Variants in BCR observed in about 807,000 individuals in gnomAD.
The protein encoded by BCR is breakpoint cluster region protein.
In BCR, 58 loss-of-function variants were observed where a neutral mutation model predicts 138.6. The observed-to-expected ratio is 0.42, with a 90% CI of 0.34 to 0.52. The LOEUF is 0.52. BCR is among the 20% of genes least tolerant of loss of function. The pLI is 0.06. For synonymous variants in BCR, 786 were observed against 730.1 expected, an observed-to-expected ratio of 1.08 and a Z score of -1.23; for missense variants, 1,599 against 1,727.2, an observed-to-expected ratio of 0.93 and a Z score of 1.32.
At chr22:23,232,025 G>T (rs1431935863) in intron 1 of BCR, among the ~76,000 whole-genome samples, 1 of 152,216 alleles carries the variant, frequency 6.6e-6, no homozygotes, top group East Asian at 1.9e-4. Context: ...CAGCCTCCCA[G>T]CCCAGGGGCT....
At chr22:23,251,688 C>G (rs922781736) in intron 1 of BCR, among the ~76,000 whole-genome samples, 5 of 152,250 alleles carry the variant, frequency 3.3e-5, no homozygotes, top group Non-Finnish European at 7.3e-5. Flanking sequence ...CAGTTGTAAA[C>G]TCCTGAATGA....
chr22:23,273,690 C>T lies in BCR; in HGVS notation c.2031C>T (p.Ala677=). 3.1e-6 allele frequency: 5 copies of T among 1,614,136 alleles called. No homozygotes were observed. The highest frequency in any genetic ancestry group is 4.2e-6 in the Non-Finnish European group (5 of 1,180,038). The change falls in exon 8 of 23, where the codon GCC becomes GCT. Residue 677 remains alanine, a synonymous_variant. Transcript: ENST00000305877. ...CTGACCACCCCTTGCTGCAGGACGC[C>T]CTCCGCATCTCACAGAACTTCCTGT... ...SHPDHPLLQD[A]LRISQNFLSS... is the part of the protein sequence containing the mutation.
chr22:23,271,759 G>A (rs2073511684), intron 6 of BCR, among the ~76,000 whole-genome samples, 167 bp downstream of exon 6: 1 of 152,166 alleles, frequency 6.6e-6, no homozygotes, highest in South Asian at 2.1e-4. Context: ...AGCTCAGGGA[G>A]GGCAGGGAAG....
At position 23,206,884 on chromosome 22, in the gene BCR, A is replaced by C. The variant is rs975947459; in HGVS notation, c.1279+24645A>C. On this transcript the variant is annotated intron_variant, in intron 1 of 22. Coordinates refer to ENST00000305877, the MANE Select transcript of BCR (RefSeq NM_004327.4). ...CAGTCATACAACCATCCATTTAACT[A>C]TTCTTTATTCATCATCCATCCAACT... 4.4e-5 allele frequency among the ~76,000 whole-genome samples: 6 copies of C among 136,490 alleles called. No individual in the cohort carries two copies. The East Asian group carries it at 7.7e-4, about 18-fold the overall frequency. 89.5% of individuals were successfully genotyped at this position (136,490 alleles called of 152,430 possible).
chr22:23,317,003 C>A lies in BCR; in HGVS notation c.*1481C>A, dbSNP rs2074079576. ...TGCAGGAGGAGAGGATGCAGCTGCC[C>A]AGAGGGAAGCAGGATCACATTTAAG... On this transcript the variant is annotated 3_prime_UTR_variant, in exon 23 of 23. Transcript: ENST00000305877. The A allele has an allele frequency of 6.5e-6, 1 of 153,186 alleles. No homozygotes were observed. The allele number at this position is 153,186 out of a possible 1,614,324, so 9.5% of individuals were successfully genotyped here.
In BCR at chr22:23,181,933, G is replaced by C; in HGVS notation, c.973G>C (p.Gly325Arg). ...CTCCCCCCGGAGTTTTGAGGATTGC[G>C]GAGGCGGCTATACCCCGGACTGCAG... ...SYSPRSFEDC[G>R]GGYTPDCSSN... is the part of the protein sequence containing the mutation. The change falls in exon 1 of 23, where the codon GGA becomes CGA. Residue 325 changes from glycine to arginine, a missense_variant. Gly to Arg is a moderately radical substitution (Grantham distance 125). This residue lies in a region of BCR where 806 missense variants were observed against 635.0 expected (regional missense o/e 1.27). Transcript: ENST00000305877. 1 of 1,613,026 alleles carries C rather than the reference G, an allele frequency of 6.2e-7. No individual in the cohort carries two copies. The highest frequency in any genetic ancestry group is 8.5e-7 in the Non-Finnish European group (1 of 1,179,918).
chr22:23,259,839 TTAGCA>T (rs2073337201), intron 2 of BCR, among the ~76,000 whole-genome samples: 1 of 152,118 alleles, frequency 6.6e-6, no homozygotes, highest in Non-Finnish European at 1.5e-5. Flanking sequence ...AATGTTTAAG[TTAGCA>T]GAGCGAGGTG....
intron 8 of BCR, 25 bp from the exon 9 acceptor site, chr22:23,283,923 CCCCCACCCATCACCCCAGGCTGGCCCTGA>C: frequency 6.6e-7 from 1 of 1,514,646 alleles, no homozygotes; most frequent in Non-Finnish European, 8.9e-7. Flanking sequence ...GGCCGAACAC[CCCCCACCCATCACCCCAGGCTGGCCCTGA>C]CCCCAGCCTT....
chr22:23,280,418 C>T lies in BCR; in HGVS notation c.2116-3559C>T, dbSNP rs138899149. ...GTGTGTAGAAATCAGGGTTATGGTGCCTGCCTTGTAGAGTCCTGGTGAGGA... is the reference window on the plus strand; with the variant it reads ...GTGTGTAGAAATCAGGGTTATGGTGTCTGCCTTGTAGAGTCCTGGTGAGGA... On this transcript the variant is annotated intron_variant, in intron 8 of 22. Coordinates refer to ENST00000305877, the MANE Select transcript of BCR (RefSeq NM_004327.4). 8.7e-3 allele frequency among the ~76,000 whole-genome samples: 1,328 copies of T among 152,268 alleles called. 8 individuals carry two copies. The highest frequency in any genetic ancestry group is 0.014 in the Non-Finnish European group (954 of 68,022).
rs777174997 is a variant in BCR at position 23,181,299 on chromosome 22, C to T, written c.339C>T (p.Pro113=). The change falls in exon 1 of 23, where the codon CCC becomes CCT. Residue 113 remains proline (P), a synonymous_variant. Transcript: ENST00000305877. The stretch of plus-strand genomic sequence containing the variant: ...CCGACCCGCCGCCCGCCGAGGAGCC[C>T]GAGGCCCGGCCCGACGGCGAGGGTT... ...DGADPPPAEE[P]EARPDGEGSP... 7 of 1,342,094 alleles carry T rather than the reference C, an allele frequency of 5.2e-6. No individual in the cohort carries two copies. In the South Asian group the frequency reaches 9.7e-5, roughly 19 times the overall value. 83.1% of individuals were successfully genotyped at this position (1,342,094 alleles called of 1,614,324 possible).
At chr22:23,288,007 G>C in intron 11 of BCR, 90 bp from the exon 12 acceptor site, 1 of 1,253,698 alleles carries the variant, frequency 8.0e-7, no homozygotes, top group Non-Finnish European at 1.2e-6. Flanking sequence ...CTGGAGATAC[G>C]AGTTGTGTGC....
intron 8 of BCR, among the ~76,000 whole-genome samples, chr22:23,281,583 G>A (rs540039581): frequency 2.6e-5 from 4 of 152,238 alleles, no homozygotes; most frequent in East Asian, 3.9e-4. Flanking sequence ...GGCAGGGGCC[G>A]AGTGACGGGG....
chr22:23,315,447 G>A lies in BCR; in HGVS notation c.3741G>A (p.Leu1247=). 1 of 1,613,644 alleles carries A rather than the reference G, an allele frequency of 6.2e-7. No individual in the cohort carries two copies. The highest frequency in any genetic ancestry group is 8.5e-7 in the Non-Finnish European group (1 of 1,180,000). The change falls in exon 23 of 23, where the codon CTG becomes CTA. Residue 1247 remains leucine (L), a synonymous_variant. Transcript: ENST00000305877. ...TGCCCGGGCAGGTCCAGGTGCTGCTGTACTTCCTGCAGCTGGAGGCCATCC... is the reference window on the plus strand; with the variant it reads ...TGCCCGGGCAGGTCCAGGTGCTGCTATACTTCCTGCAGCTGGAGGCCATCC... The part of the protein sequence containing the change: ...LEVMSQVQVL[L]YFLQLEAIPA...
chr22:23,212,089 A>G (rs942043664), intron 1 of BCR, among the ~76,000 whole-genome samples: 10 of 152,168 alleles, frequency 6.6e-5, no homozygotes, highest in Non-Finnish European at 1.3e-4. Context: ...GACCTCTGCA[A>G]GGGGACTGCT....
At chr22:23,221,054 G>T (rs887343778) in intron 1 of BCR, among the ~76,000 whole-genome samples, 1 of 152,048 alleles carries the variant, frequency 6.6e-6, no homozygotes, top group African/African-American at 2.4e-5. Flanking sequence ...ACTCTAATGG[G>T]CTCACAGTAC....
chr22:23,282,156 C>T (rs1033862987), intron 8 of BCR, among the ~76,000 whole-genome samples: 7 of 152,266 alleles, frequency 4.6e-5, no homozygotes, highest in African/African-American at 1.2e-4. Flanking sequence ...CAGTCCTTCC[C>T]GAAGGACCTC....
chr22:23,314,834 A>C, intron 22 of BCR, 120 bp downstream of exon 22: 2 of 1,288,322 alleles, frequency 1.6e-6, no homozygotes, highest in Non-Finnish European at 2.2e-6. Flanking sequence ...GCCAACATTC[A>C]CAGAGAGGGA....
intron 16 of BCR, among the ~76,000 whole-genome samples, chr22:23,303,340 A>C (rs914402887): frequency 2.0e-5 from 3 of 152,168 alleles, no homozygotes; most frequent in Non-Finnish European, 4.4e-5. Context: ...CGGAGGAGGT[A>C]TGGTCAGGTA....
intron 8 of BCR, among the ~76,000 whole-genome samples, chr22:23,279,110 C>T (rs747449426): frequency 1.2e-4 from 19 of 152,202 alleles, no homozygotes; most frequent in African/African-American, 3.6e-4. Flanking sequence ...ACGTCATGCT[C>T]TTTTCACACC....
Sources: gnomAD v4.1 joint callset for allele counts (sites outside exome capture counted in the v4.1 genomes callset) on GRCh38, gnomAD v4.1.1 for gene constraint, gnomAD v4.1.1 regional missense constraint, MANE v1.5 for transcripts, NCBI Gene and HGNC (gene_info 2026-07-23, HGNC 2026-07-21) for gene names.